Variants in ELOVL6 observed in about 807,000 individuals in gnomAD.
The protein encoded by ELOVL6 is ELOVL fatty acid elongase 6, also known as very long chain fatty acid elongase 6.
Under a neutral mutation model 31.7 loss-of-function variants are expected in ELOVL6, and 8 were observed. That is an observed-to-expected ratio of 0.25 (90% CI 0.15 to 0.45). The LOEUF (loss-of-function observed/expected upper bound fraction) is 0.45, where lower values mean the gene tolerates loss of function less well. ELOVL6 is among the 20% of genes least tolerant of loss of function. The pLI is 1.00. For synonymous variants in ELOVL6, 101 were observed against 117.7 expected (o/e 0.86, Z 0.92); for missense variants, 126 against 326.4 (o/e 0.39, Z 4.73).
chr4:110,052,879 T>C (rs910165669), intron 3 of ELOVL6, among the ~76,000 whole-genome samples: 6 of 152,226 alleles, frequency 3.9e-5, no homozygotes, highest in African/African-American at 1.4e-4. Context: ...ATCGACATCC[T>C]TCATGACCTT....
intron 2 of ELOVL6, among the ~76,000 whole-genome samples, chr4:110,103,469 A>C (rs1756807228): frequency 6.6e-6 from 1 of 152,194 alleles, no homozygotes; most frequent in African/African-American, 2.4e-5. Context: ...TTAAAAAAAA[A>C]ACCTGATGAA....
rs192526504 is a variant in ELOVL6 at position 110,079,274 on chromosome 4, C to A, written c.222-19520G>T. Among the ~76,000 whole-genome samples the A allele has an allele frequency of 2.6e-3, 402 of 152,322 alleles. 2 individuals are homozygous for A. Among genetic ancestry groups the A allele is most frequent in the African/African-American group, 9.5e-3 (395 of 41,582 alleles). On this transcript the variant is annotated intron_variant, in intron 2 of 3. Transcript: ENST00000302274. Reference sequence around the variant, plus strand: ...ATCTACAGAATTCTCCACCCCAAATCAACAGAATATACATTCTTTTCAGCA... The same window carrying A: ...ATCTACAGAATTCTCCACCCCAAATAAACAGAATATACATTCTTTTCAGCA...
chr4:110,161,225 T>C (rs1353413102), intron 1 of ELOVL6, among the ~76,000 whole-genome samples: 5 of 152,222 alleles, frequency 3.3e-5, no homozygotes, highest in Admixed American at 3.3e-4. Flanking sequence ...ATGAAATATG[T>C]CTGTGTATGT....
At chr4:110,069,279 C>T (rs913850948) in intron 2 of ELOVL6, among the ~76,000 whole-genome samples, 1 of 151,660 alleles carries the variant, frequency 6.6e-6, no homozygotes, top group Non-Finnish European at 1.5e-5. Context: ...ATATCACACA[C>T]TATTTTGTAA....
At chr4:110,147,831 A>G (rs774179111) in intron 1 of ELOVL6, among the ~76,000 whole-genome samples, 17 of 150,956 alleles carry the variant, frequency 1.1e-4, no homozygotes, top group Non-Finnish European at 2.1e-4. Context: ...GCACGCCAAA[A>G]AGGCCAGGCA....
At chr4:110,174,517 A>G (rs1356054439) in intron 1 of ELOVL6, among the ~76,000 whole-genome samples, 1 of 152,090 alleles carries the variant, frequency 6.6e-6, no homozygotes, top group Non-Finnish European at 1.5e-5. Flanking sequence ...TTTACTTTTG[A>G]ACATACATTT....
rs539338837 is a variant in ELOVL6, at chr4:110,195,321, T to C, written c.89+2926A>G. ...TTTTAGTAGAGATGGGGTTTCACCA[T>C]ATTGGCCTGGCTGGTCTCGAACTCC... On this transcript the variant is annotated intron_variant, in intron 1 of 3. Transcript: ENST00000302274. Among the ~76,000 whole-genome samples, 32 of 152,196 alleles carry C rather than the reference T, an allele frequency of 2.1e-4. 1 individual carries two copies. The South Asian group carries it at 5.0e-3, about 24-fold the overall frequency.
At chr4:110,057,195 G>A (rs1355973278) in intron 3 of ELOVL6, among the ~76,000 whole-genome samples, 7 of 152,154 alleles carry the variant, frequency 4.6e-5, no homozygotes, top group African/African-American at 1.7e-4. Flanking sequence ...ATTAGTCCTT[G>A]CAGGGAAAAG....
chr4:110,186,127 T>A (rs901842337), intron 1 of ELOVL6, among the ~76,000 whole-genome samples: 3 of 151,818 alleles, frequency 2.0e-5, no homozygotes, highest in Non-Finnish European at 2.9e-5. Context: ...GAAGCGGAGG[T>A]TGCAGTGGGC....
chr4:110,147,827 CA>C (rs1758163448), intron 1 of ELOVL6, among the ~76,000 whole-genome samples: 1 of 146,802 alleles, frequency 6.8e-6, no homozygotes, highest in Non-Finnish European at 1.5e-5. Context: ...ACGTGCACGC[CA>C]AAAAGGCCAG....
chr4:110,076,702 C>T lies in ELOVL6; in HGVS notation c.222-16948G>A, dbSNP rs562236665. 2.6e-4 allele frequency among the ~76,000 whole-genome samples: 40 copies of T among 152,246 alleles called. No homozygotes were observed. The South Asian group carries it at 2.7e-3, about 10-fold the overall frequency. ...ATTTCTGCATTTCCAACTGAGGAAC[C>T]GGGTTCATCTCACTGGGGAGTGTTG... is the stretch of plus-strand genomic sequence containing the variant. On this transcript the variant is annotated intron_variant, in intron 2 of 3. Coordinates refer to ENST00000302274, the MANE Select transcript of ELOVL6 (RefSeq NM_024090.3).
intron 1 of ELOVL6, among the ~76,000 whole-genome samples, chr4:110,139,895 C>T (rs1031386284): frequency 6.6e-6 from 1 of 152,120 alleles, no homozygotes; most frequent in African/African-American, 2.4e-5. Context: ...TATCTAATCC[C>T]CTCCCTGGCA....
intron 1 of ELOVL6, among the ~76,000 whole-genome samples, chr4:110,158,653 ATATATTTTTTT>A (rs1375148812): frequency 2.3e-5 from 2 of 85,254 alleles, no homozygotes; most frequent in Non-Finnish European, 4.2e-5. Flanking sequence ...ATATATATAT[ATATATTTTTTT>A]TTTTTTTTTT....
At chr4:110,135,482 C>A (rs565343391) in intron 1 of ELOVL6, among the ~76,000 whole-genome samples, 6 of 152,036 alleles carry the variant, frequency 3.9e-5, no homozygotes, top group Non-Finnish European at 8.8e-5. Flanking sequence ...TTGGCAAATA[C>A]GAGAAAAGGT....
chr4:110,113,514 G>A (rs544567025), intron 1 of ELOVL6, among the ~76,000 whole-genome samples: 2 of 150,390 alleles, frequency 1.3e-5, no homozygotes, highest in Admixed American at 6.6e-5. Context: ...AGGAGGTTGC[G>A]GCTGCAGTGA....
At chr4:110,080,399 A>T (rs933060102) in intron 2 of ELOVL6, among the ~76,000 whole-genome samples, 2 of 152,242 alleles carry the variant, frequency 1.3e-5, no homozygotes, top group African/African-American at 4.8e-5. Flanking sequence ...CACCATGATC[A>T]AGTGGGCTTC....
intron 1 of ELOVL6, among the ~76,000 whole-genome samples, chr4:110,109,422 A>G (rs938359649): frequency 6.6e-6 from 1 of 152,194 alleles, no homozygotes; most frequent in African/African-American, 2.4e-5. Flanking sequence ...TGTCAAGCTT[A>G]TATTTATCCT....
chr4:110,073,485 T>C (rs781203030), intron 2 of ELOVL6, among the ~76,000 whole-genome samples: 5 of 152,368 alleles, frequency 3.3e-5, no homozygotes, highest in Non-Finnish European at 7.3e-5. Flanking sequence ...TTGTGAGCTA[T>C]GACATTTATG....
chr4:110,074,393 CTGACTGTA>C (rs2126228438), intron 2 of ELOVL6, among the ~76,000 whole-genome samples: 1 of 152,258 alleles, frequency 6.6e-6, no homozygotes, highest in African/African-American at 2.4e-5. Flanking sequence ...ATATGGAGGG[CTGACTGTA>C]ATTTCAGCCA....
Sources: allele counts gnomAD v4.1 joint callset (sites outside exome capture counted in the v4.1 genomes callset), GRCh38; gene constraint gnomAD v4.1.1; transcripts MANE v1.5; gene names NCBI Gene and HGNC (gene_info 2026-07-23, HGNC 2026-07-21).